Variants in ADAMTSL1 observed in about 807,000 individuals in gnomAD.
The protein encoded by ADAMTSL1 is ADAMTS like 1, also known as ADAMTS-like protein 1.
A neutral mutation model predicts 201.8 loss-of-function variants in ADAMTSL1; 126 were observed. The ratio of observed to expected loss-of-function variants is 0.62; its 90% CI spans 0.54 to 0.72. The LOEUF (loss-of-function observed/expected upper bound fraction) is 0.72. ADAMTSL1 is among the 30% of genes least tolerant of loss of function. The pLI, the probability that ADAMTSL1 is intolerant of heterozygous loss-of-function variation, is 0.00. For synonymous variants in ADAMTSL1, 1,121 were observed against 903.4 expected (o/e 1.24, Z -4.32); for missense variants, 2,679 against 2,277.8 (o/e 1.18, Z -3.59).
chr9:18,547,051 G>A (rs1820510461), intron 3 of ADAMTSL1, among the ~76,000 whole-genome samples: 1 of 152,084 alleles, frequency 6.6e-6, no homozygotes, highest in African/African-American at 2.4e-5. Flanking sequence ...GTTTCTTAGA[G>A]CAAAATGATG....
At chr9:18,274,532 G>T (rs866974055) in intron 2 of ADAMTSL1, among the ~76,000 whole-genome samples, 6 of 151,760 alleles carry the variant, frequency 4.0e-5, no homozygotes, top group Non-Finnish European at 7.4e-5. Context: ...ACAGAAATAG[G>T]CAAAATAAAA....
At chr9:18,110,342 C>T (rs1453083900) in intron 1 of ADAMTSL1, among the ~76,000 whole-genome samples, 6 of 145,076 alleles carry the variant, frequency 4.1e-5, no homozygotes, top group African/African-American at 7.5e-5. Context: ...ACTGGATTTG[C>T]GAACTGTGGC....
At chr9:18,834,275 G>C (rs373001626) in intron 23 of ADAMTSL1, among the ~76,000 whole-genome samples, 3 of 152,206 alleles carry the variant, frequency 2.0e-5, no homozygotes, top group African/African-American at 7.2e-5. Flanking sequence ...AGTTGCTTTA[G>C]GCAGTATGAC....
At chr9:18,803,755 C>T (rs1007002589) in intron 20 of ADAMTSL1, among the ~76,000 whole-genome samples, 9 of 152,050 alleles carry the variant, frequency 5.9e-5, no homozygotes, top group African/African-American at 1.4e-4. Context: ...CATGTCTGTG[C>T]TCTGAATATA....
chr9:18,646,852 T>C (rs1486996560), intron 7 of ADAMTSL1, among the ~76,000 whole-genome samples: 1 of 152,204 alleles, frequency 6.6e-6, no homozygotes, highest in South Asian at 2.1e-4. Context: ...AAAATTCTCT[T>C]TTTTTGTTGT....
intron 15 of ADAMTSL1, among the ~76,000 whole-genome samples, chr9:18,729,106 T>G (rs574112406): frequency 6.6e-6 from 1 of 152,336 alleles, no homozygotes; most frequent in South Asian, 2.1e-4. Context: ...GTTCACATTG[T>G]GATTGCTCCT....
intron 2 of ADAMTSL1, among the ~76,000 whole-genome samples, chr9:18,413,395 C>T (rs571734580): frequency 3.3e-5 from 5 of 152,174 alleles, no homozygotes; most frequent in Non-Finnish European, 7.4e-5. Flanking sequence ...AAACTCCTGA[C>T]CTCAGGTGAT....
At chr9:18,614,035 A>T (rs943413746) in intron 4 of ADAMTSL1, among the ~76,000 whole-genome samples, 1 of 152,176 alleles carries the variant, frequency 6.6e-6, no homozygotes, top group Non-Finnish European at 1.5e-5. Context: ...AAAGAGTGTT[A>T]CAGCCAGAGG....
chr9:18,714,410 G>A (rs1587963491), intron 14 of ADAMTSL1, among the ~76,000 whole-genome samples: 2 of 151,752 alleles, frequency 1.3e-5, no homozygotes, highest in African/African-American at 2.4e-5. Flanking sequence ...ATGATAAAGG[G>A]GATATCACCA....
intron 2 of ADAMTSL1, among the ~76,000 whole-genome samples, chr9:18,506,293 T>C (rs765895154): frequency 1.3e-5 from 2 of 152,236 alleles, no homozygotes; most frequent in Non-Finnish European, 2.9e-5. Flanking sequence ...CACACGGTGA[T>C]AATGTAACTG....
At chr9:18,558,418 A>C (rs952278155) in intron 3 of ADAMTSL1, among the ~76,000 whole-genome samples, 1 of 152,188 alleles carries the variant, frequency 6.6e-6, no homozygotes, top group Non-Finnish European at 1.5e-5. Flanking sequence ...ATTGATGGGC[A>C]TTTGGGTTGG....
intron 2 of ADAMTSL1, among the ~76,000 whole-genome samples, chr9:18,307,451 C>G (rs1833952435): frequency 6.6e-6 from 1 of 152,064 alleles, no homozygotes. Context: ...GGAAACCCAT[C>G]TCACGTGCAA....
At chr9:18,023,158 A>ATG (rs1430915301) in intron 1 of ADAMTSL1, among the ~76,000 whole-genome samples, 1 of 150,308 alleles carries the variant, frequency 6.7e-6, no homozygotes, top group Non-Finnish European at 1.5e-5. Context: ...ATGTATATGT[A>ATG]TGTCTGCGAA....
At chr9:18,378,859 G>C (rs1430821827) in intron 2 of ADAMTSL1, among the ~76,000 whole-genome samples, 1 of 152,100 alleles carries the variant, frequency 6.6e-6, no homozygotes, top group East Asian at 1.9e-4. Flanking sequence ...AGGTTAATGG[G>C]ATCAAGACAG....
upstream of ADAMTSL1, among the ~76,000 whole-genome samples, chr9:18,472,648 C>T (rs993241130): frequency 2.0e-5 from 3 of 152,174 alleles, no homozygotes; most frequent in African/African-American, 7.2e-5. Flanking sequence ...GGCAGACCTG[C>T]CTGTATTCAC....
chr9:18,309,136 C>T (rs1834020488), intron 2 of ADAMTSL1, among the ~76,000 whole-genome samples: 1 of 150,430 alleles, frequency 6.6e-6, no homozygotes, highest in Non-Finnish European at 1.5e-5. Context: ...AAATTCAACA[C>T]CTATTCATGC....
At chr9:18,891,559 C>T (rs372419061) in intron 25 of ADAMTSL1, among the ~76,000 whole-genome samples, 4 of 152,210 alleles carry the variant, frequency 2.6e-5, no homozygotes, top group Admixed American at 1.3e-4. Context: ...AAAAGTCCAT[C>T]GGTCACAGTC....
intron 11 of ADAMTSL1, 95 bp downstream of exon 11, chr9:18,680,611 C>A: frequency 1.4e-6 from 2 of 1,401,286 alleles, no homozygotes; most frequent in Non-Finnish European, 2.0e-6. Flanking sequence ...CAGCTCCACA[C>A]TCTTCTTGAG....
intron 2 of ADAMTSL1, among the ~76,000 whole-genome samples, chr9:18,402,120 T>C (rs557962085): frequency 6.6e-6 from 1 of 152,264 alleles, no homozygotes; most frequent in South Asian, 2.1e-4. Context: ...TATCTGAGTT[T>C]CCCCTGAAAC....
Sources: gnomAD v4.1 joint callset for allele counts (sites outside exome capture counted in the v4.1 genomes callset) on GRCh38, gnomAD v4.1.1 for gene constraint, MANE v1.5 for transcripts, NCBI Gene and HGNC (gene_info 2026-07-23, HGNC 2026-07-21) for gene names.